ADAMTS3: variants seen among roughly 807,000 people sequenced by gnomAD.
ADAMTS3 encodes A disintegrin and metalloproteinase with thrombospondin motifs 3.
In ADAMTS3, 73 loss-of-function variants were observed where a neutral mutation model predicts 129.0. The ratio of observed to expected loss-of-function variants is 0.57; its 90% CI spans 0.47 to 0.69. The LOEUF (loss-of-function observed/expected upper bound fraction) is 0.69, where lower values mean the gene tolerates loss of function less well. Among genes scored for constraint, ADAMTS3 ranks in the 30% least tolerant of loss-of-function variants. The pLI is 0.00. For synonymous variants in ADAMTS3, 477 were observed against 510.8 expected, an observed-to-expected ratio of 0.93 and a Z score of 0.89; for missense variants, 1,457 against 1,514.5, an observed-to-expected ratio of 0.96 and a Z score of 0.63.
At chr4:72,433,117 G>GA (rs766550896) in intron 3 of ADAMTS3, among the ~76,000 whole-genome samples, 150 of 151,924 alleles carry the variant, frequency 9.9e-4, no homozygotes, top group Non-Finnish European at 1.3e-3. Flanking sequence ...TCTTATGATG[G>GA]AAAAAACAAG....
chr4:72,453,069 G>A (rs1272345191), intron 3 of ADAMTS3, among the ~76,000 whole-genome samples: 1 of 151,742 alleles, frequency 6.6e-6, no homozygotes, highest in African/African-American at 2.4e-5. Flanking sequence ...TACTATACTA[G>A]AAACCTGATT....
chr4:72,304,142 T>C (rs1184514092), intron 16 of ADAMTS3, 62 bp from the exon 17 acceptor site: 1 of 1,499,818 alleles, frequency 6.7e-7, no homozygotes, highest in Non-Finnish European at 9.2e-7. Context: ...GTGCTGAAGA[T>C]TCACAGCAAG....
At position 72,283,659 on chromosome 4, in the gene ADAMTS3, A is replaced by C; in HGVS notation, c.3095T>G (p.Val1032Gly). 6.2e-7 allele frequency: 1 copy of C among 1,611,330 alleles called. No homozygotes were observed. Among genetic ancestry groups the C allele is most frequent in the South Asian group, 1.1e-5 (1 of 90,794 alleles). The change falls in exon 22 of 22, where the codon GTG becomes GGG. Residue 1032 changes from valine to glycine, a missense_variant. Transcript: ENST00000286657. ...GDKSIFCQME[V>G]LARYCSIPGY... ...TGGTATGGAGCAGTATCGTGCCAAC[A>C]CTTCCATTTGACAGAATATGGACTT...
chr4:72,551,132 C>T (rs1721636484), intron 2 of ADAMTS3, among the ~76,000 whole-genome samples: 1 of 152,174 alleles, frequency 6.6e-6, no homozygotes, highest in Non-Finnish European at 1.5e-5. Context: ...ATCGGCTGAC[C>T]ATTTCAAGGG....
At chr4:72,328,843 A>G (rs1719764620) in intron 5 of ADAMTS3, among the ~76,000 whole-genome samples, 1 of 152,172 alleles carries the variant, frequency 6.6e-6, no homozygotes, top group Non-Finnish European at 1.5e-5. Flanking sequence ...GCTAGATATA[A>G]AAGAATACTG....
At chr4:72,490,146 C>A (rs1484065702) in intron 3 of ADAMTS3, among the ~76,000 whole-genome samples, 3 of 151,936 alleles carry the variant, frequency 2.0e-5, no homozygotes, top group African/African-American at 7.2e-5. Flanking sequence ...ACCTATTGGC[C>A]ATTTGTTGTC....
At chr4:72,535,271 T>G (rs1721157320) in intron 3 of ADAMTS3, among the ~76,000 whole-genome samples, 1 of 152,204 alleles carries the variant, frequency 6.6e-6, no homozygotes, top group Non-Finnish European at 1.5e-5. Context: ...GTTAAAGGCA[T>G]CCTGTTTCAC....
chr4:72,562,067 T>A (rs1339807702), intron 2 of ADAMTS3, among the ~76,000 whole-genome samples: 2 of 152,180 alleles, frequency 1.3e-5, no homozygotes, highest in Non-Finnish European at 2.9e-5. Context: ...GGTAGATGAG[T>A]CTTCTCGCAG....
chr4:72,417,293 C>A lies in ADAMTS3; in HGVS notation c.505-2322G>T, dbSNP rs561564226. On this transcript the variant is annotated intron_variant, in intron 3 of 21. Transcript: ENST00000286657. ...GAAACAGTGCCACTGAAGCGGTCAG[C>A]GACTCTGAGCAATGCGCAATGGCTA... Among the ~76,000 whole-genome samples, 7 of 152,258 alleles carry A rather than the reference C, an allele frequency of 4.6e-5. No individual in the cohort carries two copies. The South Asian group carries it at 6.2e-4, about 14-fold the overall frequency.
At chr4:72,414,078 T>C (rs1305812996) in intron 4 of ADAMTS3, among the ~76,000 whole-genome samples, 3 of 151,876 alleles carry the variant, frequency 2.0e-5, no homozygotes, top group Non-Finnish European at 4.4e-5. Flanking sequence ...AACTCTATTC[T>C]TCATTAAGAA....
At chr4:72,513,987 C>T (rs993809334) in intron 3 of ADAMTS3, among the ~76,000 whole-genome samples, 2 of 152,122 alleles carry the variant, frequency 1.3e-5, no homozygotes, top group Non-Finnish European at 2.9e-5. Flanking sequence ...TATTTAAGAC[C>T]TTCCTCTTAA....
chr4:72,541,211 A>T (rs2109778294), intron 3 of ADAMTS3, among the ~76,000 whole-genome samples: 1 of 152,288 alleles, frequency 6.6e-6, no homozygotes, highest in East Asian at 1.9e-4. Flanking sequence ...GTCAAAGGAG[A>T]TCATTTTGGA....
intron 3 of ADAMTS3, among the ~76,000 whole-genome samples, chr4:72,522,426 T>C (rs1720698415): frequency 6.6e-6 from 1 of 152,164 alleles, no homozygotes; most frequent in Admixed American, 6.5e-5. Flanking sequence ...CACTACATCA[T>C]CCTGGTTACA....
chr4:72,382,071 A>G (rs2109880441), intron 4 of ADAMTS3, among the ~76,000 whole-genome samples: 1 of 152,304 alleles, frequency 6.6e-6, no homozygotes, highest in East Asian at 1.9e-4. Context: ...AATCAACAAC[A>G]GAAACTTAAG....
intron 3 of ADAMTS3, among the ~76,000 whole-genome samples, chr4:72,443,903 C>A (rs1244879117): frequency 1.3e-5 from 2 of 151,644 alleles, no homozygotes; most frequent in Non-Finnish European, 3.0e-5. Context: ...GGTTGGGTTG[C>A]AGAATGGTTA....
At chr4:72,474,988 C>G (rs1719189493) in intron 3 of ADAMTS3, among the ~76,000 whole-genome samples, 2 of 150,080 alleles carry the variant, frequency 1.3e-5, no homozygotes, top group African/African-American at 4.9e-5. Flanking sequence ...GATCCCGCCA[C>G]TGCACTCCAG....
chr4:72,283,331 A>G lies in ADAMTS3; in HGVS notation c.3423T>C (p.Thr1141=). The G allele has an allele frequency of 6.2e-7, 1 of 1,613,976 alleles. No homozygotes were observed. Among genetic ancestry groups the G allele is most frequent in the Non-Finnish European group, 8.5e-7 (1 of 1,179,886 alleles). The change falls in exon 22 of 22, where the codon ACT becomes ACC. Residue 1141 remains threonine (T), a synonymous_variant. Transcript: ENST00000286657. ...AGGATGGTACGGTGACCAGTCTCAC[A>G]GTCTTACTTCCTGCTTGCTGAGCAC... ...QRSAQQAGSK[T]VRLVTVPSSP...
chr4:72,361,082 TG>T (rs1275111285), intron 4 of ADAMTS3, among the ~76,000 whole-genome samples: 1 of 152,136 alleles, frequency 6.6e-6, no homozygotes, highest in Non-Finnish European at 1.5e-5. Flanking sequence ...ATGTTTTATG[TG>T]TTTATGTTTC....
chr4:72,366,904 T>A (rs1010190250), intron 4 of ADAMTS3, among the ~76,000 whole-genome samples: 1 of 152,062 alleles, frequency 6.6e-6, no homozygotes, highest in Non-Finnish European at 1.5e-5. Flanking sequence ...TTCTTTCTCT[T>A]TCTTTTCTCA....
Sources: allele counts gnomAD v4.1 joint callset (sites outside exome capture counted in the v4.1 genomes callset), GRCh38; gene constraint gnomAD v4.1.1; transcripts MANE v1.5; gene names NCBI Gene and HGNC (gene_info 2026-07-23, HGNC 2026-07-21).